The following ATP8A2 variants were observed in gnomAD, a reference collection of about 807,000 sequenced individuals.
ATP8A2 encodes ATPase phospholipid transporting 8A2.
Under a neutral mutation model 165.6 loss-of-function variants are expected in ATP8A2, and 100 were observed. The ratio of observed to expected loss-of-function variants is 0.60; its 90% CI spans 0.51 to 0.71. The LOEUF (loss-of-function observed/expected upper bound fraction) is 0.71, where lower values mean the gene tolerates loss of function less well. Ranked by LOEUF, ATP8A2 falls within the 30% of genes least tolerant of loss-of-function variation. The pLI is 0.00. For synonymous variants in ATP8A2, 543 were observed against 548.8 expected (o/e 0.99, Z 0.15); for missense variants, 1,227 against 1,479.5 (o/e 0.83, Z 2.80).
At chr13:25,727,117 G>C (rs1035780907) in intron 25 of ATP8A2, among the ~76,000 whole-genome samples, 3 of 152,080 alleles carry the variant, frequency 2.0e-5, no homozygotes, top group African/African-American at 7.2e-5. Flanking sequence ...AGCAAACCTG[G>C]CACATCTCAG....
intron 29 of ATP8A2, 150 bp from the exon 30 acceptor site, chr13:25,839,394 GTT>G (rs532721577): frequency 1.3e-4 from 65 of 501,422 alleles, no homozygotes; most frequent in Middle Eastern, 5.7e-4. Flanking sequence ...ATTTGGGTGG[GTT>G]TTTTTTTTTT....
At chr13:25,445,914 C>T (rs902915273) in intron 1 of ATP8A2, among the ~76,000 whole-genome samples, 19 of 152,112 alleles carry the variant, frequency 1.2e-4, no homozygotes, top group Admixed American at 6.5e-5. Flanking sequence ...TCCTTCCCAG[C>T]GCTACTACTT....
intron 25 of ATP8A2, among the ~76,000 whole-genome samples, chr13:25,765,523 T>C (rs532660143): frequency 1.3e-4 from 20 of 152,340 alleles, no homozygotes; most frequent in Admixed American, 1.3e-3. Flanking sequence ...GACATCTGTT[T>C]TGAACCCCTA....
chr13:25,678,231 C>A (rs2042411551), intron 24 of ATP8A2, among the ~76,000 whole-genome samples: 1 of 152,074 alleles, frequency 6.6e-6, no homozygotes, highest in Admixed American at 6.5e-5. Flanking sequence ...CTGGGCTCAC[C>A]AAGCTAGTAG....
At chr13:25,580,696 G>T (rs930907190) in intron 22 of ATP8A2, among the ~76,000 whole-genome samples, 6 of 152,014 alleles carry the variant, frequency 3.9e-5, no homozygotes, top group Admixed American at 3.9e-4. Context: ...ACCATGACTG[G>T]CTAAGTTTCA....
chr13:25,942,676 G>A (rs527323041), intron 33 of ATP8A2, among the ~76,000 whole-genome samples: 6 of 152,268 alleles, frequency 3.9e-5, no homozygotes, highest in Non-Finnish European at 7.4e-5. Context: ...CACGCACCTC[G>A]GCCTCCCGAA....
chr13:25,655,982 A>G (rs1177810884), intron 24 of ATP8A2, among the ~76,000 whole-genome samples: 3 of 152,190 alleles, frequency 2.0e-5, no homozygotes, highest in African/African-American at 7.2e-5. Flanking sequence ...TCCAAATACA[A>G]CTGCACTTGT....
chr13:25,427,762 C>T (rs2034491829), intron 1 of ATP8A2, among the ~76,000 whole-genome samples: 1 of 152,072 alleles, frequency 6.6e-6, no homozygotes, highest in South Asian at 2.1e-4. Flanking sequence ...GGCATGGTGG[C>T]AGGTGCTTGT....
At chr13:25,741,406 G>A (rs898872373) in intron 25 of ATP8A2, among the ~76,000 whole-genome samples, 7 of 152,136 alleles carry the variant, frequency 4.6e-5, no homozygotes, top group Non-Finnish European at 1.0e-4. Context: ...TTTAGACAGG[G>A]ACTTGCTTCT....
intron 25 of ATP8A2, among the ~76,000 whole-genome samples, chr13:25,756,248 G>T (rs563068977): frequency 6.6e-6 from 1 of 151,760 alleles, no homozygotes; most frequent in African/African-American, 2.4e-5. Context: ...TGGTTATCTT[G>T]TGAAGCAGAT....
Position 25,372,344 on chromosome 13 carries a change from G to T in ATP8A2, c.76+56G>T. 7.6e-7 allele frequency: 1 copy of T among 1,320,422 alleles called. No individual in the cohort carries two copies. The allele number at this position is 1,320,422 out of a possible 1,614,324, so 81.8% of individuals were successfully genotyped here. A position where few individuals can be genotyped will look rare whatever the true frequency, so the allele number is the denominator to read the frequency against. Reference sequence around the variant, plus strand: ...TGGGCCCGGGGCGGGGGCGGCGCGGGGCGCGCCTGCGGTTATGCGACACTG... The same window carrying T: ...TGGGCCCGGGGCGGGGGCGGCGCGGTGCGCGCCTGCGGTTATGCGACACTG... On this transcript the variant is annotated intron_variant, in intron 1 of 36. Transcript: ENST00000381655. This position sits in a 1 kb window ranked among gnomAD's most constrained non-coding sequence, Gnocchi z 4.8.
intron 1 of ATP8A2, among the ~76,000 whole-genome samples, chr13:25,430,516 T>G (rs1593296791): frequency 6.6e-6 from 1 of 152,186 alleles, no homozygotes; most frequent in Non-Finnish European, 1.5e-5. Context: ...TGTAGTCGAC[T>G]GAGGAGTGAA....
intron 25 of ATP8A2, among the ~76,000 whole-genome samples, chr13:25,728,911 T>C (rs2043554637): frequency 6.6e-6 from 1 of 152,180 alleles, no homozygotes; most frequent in East Asian, 1.9e-4. Context: ...AAAGTGACTG[T>C]TAGTAACATT....
chr13:25,713,818 C>T (rs916029331), intron 25 of ATP8A2, among the ~76,000 whole-genome samples: 14 of 144,468 alleles, frequency 9.7e-5, no homozygotes, highest in African/African-American at 3.4e-4. Context: ...GGGTAGCTAG[C>T]AGCTACCGTG....
At chr13:25,389,338 G>A (rs1222070477) in intron 1 of ATP8A2, among the ~76,000 whole-genome samples, 1 of 151,970 alleles carries the variant, frequency 6.6e-6, no homozygotes, top group Non-Finnish European at 1.5e-5. Context: ...GGCTTAATGA[G>A]GCCAGTAATT....
In ATP8A2 at chr13:25,836,949, T is replaced by G. The variant is rs371829741; in HGVS notation, c.2755-214T>G. 1.3e-4 allele frequency among the ~76,000 whole-genome samples: 20 copies of G among 152,330 alleles called. 1 individual carries two copies. In the South Asian group the frequency reaches 3.3e-3, roughly 25 times the overall value. ...TCTTGGCTAATCAGATAATGTATGA[T>G]GTTTTTAGTGTTCAGTGTATTCATT... On this transcript the variant is annotated intron_variant, in intron 28 of 36. Transcript: ENST00000381655.
chr13:25,546,608 T>C (rs1217710017), intron 10 of ATP8A2, among the ~76,000 whole-genome samples: 2 of 152,144 alleles, frequency 1.3e-5, no homozygotes, highest in Non-Finnish European at 2.9e-5. Context: ...TAGAAATATT[T>C]ATGTCTATAA....
chr13:25,689,994 A>C (rs570209910), intron 24 of ATP8A2, among the ~76,000 whole-genome samples: 2 of 152,254 alleles, frequency 1.3e-5, no homozygotes, highest in Non-Finnish European at 2.9e-5. Context: ...ACAGTATTCA[A>C]GAATCTGTTT....
intron 28 of ATP8A2, among the ~76,000 whole-genome samples, chr13:25,833,368 T>C (rs1409915599): frequency 6.6e-6 from 1 of 152,134 alleles, no homozygotes; most frequent in Non-Finnish European, 1.5e-5. Flanking sequence ...TATATTAAAA[T>C]ATAAATGGAA....
Sources: allele counts gnomAD v4.1 joint callset (sites outside exome capture counted in the v4.1 genomes callset), GRCh38; gene constraint gnomAD v4.1.1; non-coding constraint Gnocchi (gnomAD v3.1); transcripts MANE v1.5; gene names NCBI Gene and HGNC (gene_info 2026-07-23, HGNC 2026-07-21).